SGTB: variants seen among roughly 807,000 people sequenced by gnomAD.
The protein encoded by SGTB is small glutamine-rich tetratricopeptide repeat-containing protein beta.
Under a neutral mutation model 43.9 loss-of-function variants are expected in SGTB, and 19 were observed. The observed-to-expected ratio is 0.43, with a 90% confidence interval of 0.30 to 0.63. The LOEUF is 0.63. Ranked by LOEUF, SGTB falls within the 30% of genes least tolerant of loss-of-function variation. SGTB has a pLI of 0.12. For synonymous variants in SGTB, 116 were observed against 117.3 expected, an observed-to-expected ratio of 0.99 and a Z score of 0.07; for missense variants, 304 against 358.9, an observed-to-expected ratio of 0.85 and a Z score of 1.24.
intron 5 of SGTB, among the ~76,000 whole-genome samples, chr5:65,701,009 C>CAAAA (rs1161067337): frequency 3.7e-4 from 6 of 16,082 alleles, no homozygotes; most frequent in South Asian, 1.9e-3. Context: ...GACTCCGTCT[C>CAAAA]AAAAAAAAAA....
At chr5:65,708,704 C>T (rs1475615741) in intron 3 of SGTB, 146 bp from the exon 4 acceptor site, 2 of 538,798 alleles carry the variant, frequency 3.7e-6, no homozygotes, top group Non-Finnish European at 6.2e-6. Context: ...ATAGTATTAA[C>T]AAAAATAGGG....
chr5:65,681,938 G>C (rs971026226), intron 6 of SGTB, among the ~76,000 whole-genome samples: 2 of 151,040 alleles, frequency 1.3e-5, no homozygotes, highest in African/African-American at 4.9e-5. Flanking sequence ...TTGTGCCATT[G>C]CACTCCAGCC....
intron 1 of SGTB, among the ~76,000 whole-genome samples, 153 bp downstream of exon 1, chr5:65,721,764 C>T (rs1758289759): frequency 6.6e-6 from 1 of 152,224 alleles, no homozygotes; most frequent in Non-Finnish European, 1.5e-5. Flanking sequence ...TCTCCCCCTT[C>T]CTCTCCCCAG....
rs1412066247 is a variant in SGTB, at chr5:65,674,646, T to A, written c.682-2365A>T. 2.6e-5 allele frequency among the ~76,000 whole-genome samples: 4 copies of A among 152,234 alleles called. No homozygotes were observed. The South Asian group carries it at 8.3e-4, about 32-fold the overall frequency. ...ATTTCCATCAACCTGGCCTTTTTTA[T>A]GAGTCACAAAACATGTTTTTTATCC... On this transcript the variant is annotated intron_variant, in intron 8 of 10. Coordinates refer to ENST00000381007, the MANE Select transcript of SGTB (RefSeq NM_019072.3).
At chr5:65,687,075 G>A (rs1757513114) in intron 5 of SGTB, among the ~76,000 whole-genome samples, 1 of 152,092 alleles carries the variant, frequency 6.6e-6, no homozygotes, top group Non-Finnish European at 1.5e-5. Context: ...TGCCAATTCT[G>A]GAAGCTGAAC....
intron 2 of SGTB, among the ~76,000 whole-genome samples, chr5:65,719,630 C>T (rs959215508): frequency 6.6e-6 from 1 of 152,014 alleles, no homozygotes; most frequent in Non-Finnish European, 1.5e-5. Flanking sequence ...GACTTTAGGC[C>T]ACAGGGACAC....
At chr5:65,695,771 C>G (rs375164530) in intron 5 of SGTB, among the ~76,000 whole-genome samples, 16 of 152,282 alleles carry the variant, frequency 1.1e-4, no homozygotes, top group African/African-American at 3.6e-4. Context: ...ATTAAAGAAG[C>G]CTTACCTTGT....
At chr5:65,685,597 G>A in intron 5 of SGTB, 125 bp from the exon 6 acceptor site, 1 of 669,792 alleles carries the variant, frequency 1.5e-6, no homozygotes, top group South Asian at 2.1e-5. Context: ...AAATTTCTAA[G>A]TCAAACTGTC....
chr5:65,680,377 A>G (rs530531828), intron 8 of SGTB, 117 bp downstream of exon 8: 3 of 982,238 alleles, frequency 3.1e-6, no homozygotes, highest in East Asian at 5.2e-5. Context: ...ATAGCCTTAT[A>G]TCAATACTCC....
At chr5:65,712,789 C>T (rs930954800) in intron 3 of SGTB, among the ~76,000 whole-genome samples, 172 bp downstream of exon 3, 8 of 152,032 alleles carry the variant, frequency 5.3e-5, no homozygotes, top group African/African-American at 1.7e-4. Flanking sequence ...ATCTAAAGCA[C>T]ATTAAATGAG....
intron 10 of SGTB, among the ~76,000 whole-genome samples, chr5:65,671,710 A>G (rs1353406259): frequency 6.6e-6 from 1 of 152,114 alleles, no homozygotes; most frequent in African/African-American, 2.4e-5. Context: ...GGCTGGCCAG[A>G]CTATCTAGGT....
chr5:65,702,244 A>T (rs1345801027), intron 5 of SGTB, among the ~76,000 whole-genome samples: 1 of 152,188 alleles, frequency 6.6e-6, no homozygotes, highest in Non-Finnish European at 1.5e-5. Flanking sequence ...TACAAAGTCC[A>T]ATACCGAAGG....
Position 65,680,480 on chromosome 5 carries a change from G to GA in SGTB, c.681+13dup, listed in dbSNP as rs1185916106. The GA allele has an allele frequency of 3.7e-6, 6 of 1,607,916 alleles. No individual in the cohort carries two copies. Among genetic ancestry groups the GA allele is most frequent in the Non-Finnish European group, 4.2e-6 (5 of 1,179,784 alleles). On this transcript the variant is annotated intron_variant, in intron 8 of 10. Transcript: ENST00000381007. ...AAACATAGCCAGTAGAGGCAGAAAA[G>GA]AAAGTATACTCACCATACTAATGAA...
intron 5 of SGTB, among the ~76,000 whole-genome samples, chr5:65,688,732 A>G (rs1561156609): frequency 6.6e-6 from 1 of 152,248 alleles, no homozygotes. Flanking sequence ...AAAAGTTTTC[A>G]AAGAGAACAA....
At chr5:65,683,522 C>G (rs1757438227) in intron 6 of SGTB, among the ~76,000 whole-genome samples, 1 of 152,108 alleles carries the variant, frequency 6.6e-6, no homozygotes, top group South Asian at 2.1e-4. Flanking sequence ...ACAGCAGCAG[C>G]AGAGGATGCA....
In SGTB at chr5:65,708,447, G is replaced by C. The variant is rs759716426; in HGVS notation, c.274+42C>G. On this transcript the variant is annotated intron_variant, in intron 4 of 10. Coordinates refer to ENST00000381007, the MANE Select transcript of SGTB (RefSeq NM_019072.3). The stretch of plus-strand genomic sequence containing the variant: ...TTGACAGTAATTTCCTCCAGTTTCA[G>C]AAAGCTTTACTAAGTAAGTCATTTT... 6 of 1,559,214 alleles carry C rather than the reference G, an allele frequency of 3.8e-6. No individual in the cohort carries two copies. The African/African-American group carries it at 8.2e-5, about 21-fold the overall frequency.
chr5:65,674,391 C>G (rs1429740330), intron 8 of SGTB, among the ~76,000 whole-genome samples: 1 of 152,186 alleles, frequency 6.6e-6, no homozygotes, highest in Non-Finnish European at 1.5e-5. Flanking sequence ...ATTGTGTGTG[C>G]TCACCTTGGT....
At position 65,693,373 on chromosome 5, in the gene SGTB, AAG is replaced by A. The variant is rs1431623659; in HGVS notation, c.375-7903_375-7902del. ...AAGGAAGGAAGGAGAAAAAGAAAGA[AAG>A]AGAAAGGGAGGGAGGGAAGGAAAGA... is the stretch of plus-strand genomic sequence containing the variant. On this transcript the variant is annotated intron_variant, in intron 5 of 10. Transcript: ENST00000381007. Among the ~76,000 whole-genome samples, 7 of 147,238 alleles carry A rather than the reference AAG, an allele frequency of 4.8e-5. 1 individual carries two copies. The highest frequency in any genetic ancestry group is 7.5e-5 in the Non-Finnish European group (5 of 66,482).
intron 5 of SGTB, among the ~76,000 whole-genome samples, chr5:65,686,729 C>A (rs1757506923): frequency 6.6e-6 from 1 of 152,108 alleles, no homozygotes; most frequent in African/African-American, 2.4e-5. Flanking sequence ...CATCTCTCTT[C>A]CTTGAAATTA....
Sources: gnomAD v4.1 joint callset for allele counts (sites outside exome capture counted in the v4.1 genomes callset) on GRCh38, gnomAD v4.1.1 for gene constraint, MANE v1.5 for transcripts, NCBI Gene and HGNC (gene_info 2026-07-23, HGNC 2026-07-21) for gene names.